MDGA2: variants seen among roughly 807,000 people sequenced by gnomAD.
MDGA2 encodes MAM domain containing glycosylphosphatidylinositol anchor 2.
Under a neutral mutation model 117.8 loss-of-function variants are expected in MDGA2, and 40 were observed. The observed-to-expected ratio is 0.34, with a 90% CI of 0.26 to 0.44. The LOEUF (loss-of-function observed/expected upper bound fraction) is 0.44. MDGA2 is among the 20% of genes least tolerant of loss of function. The pLI, the probability that MDGA2 is intolerant of heterozygous loss-of-function variation, is 1.00. For missense variants in MDGA2, 1,123 were observed against 1,250.6 expected, an observed-to-expected ratio of 0.90 and a Z score of 1.54; for synonymous variants, 452 against 439.0, an observed-to-expected ratio of 1.03 and a Z score of -0.37.
intron 8 of MDGA2, among the ~76,000 whole-genome samples, chr14:46,976,164 G>A (rs1055737035): frequency 6.6e-6 from 1 of 152,108 alleles, no homozygotes; most frequent in Non-Finnish European, 1.5e-5. Context: ...CATTAGGAAT[G>A]TATTAATTCC....
intron 1 of MDGA2, among the ~76,000 whole-genome samples, chr14:47,313,032 A>G (rs1049286841): frequency 1.3e-5 from 2 of 151,636 alleles, no homozygotes; most frequent in Non-Finnish European, 2.9e-5. Context: ...AAAGTAACTA[A>G]GCATTATTTG....
intron 1 of MDGA2, among the ~76,000 whole-genome samples, chr14:47,347,821 C>A (rs79734209): frequency 1.3e-5 from 2 of 151,884 alleles, no homozygotes; most frequent in Non-Finnish European, 2.9e-5. Context: ...ACAAATTCCA[C>A]AAAAATGACT....
intron 7 of MDGA2, among the ~76,000 whole-genome samples, chr14:47,045,680 G>C (rs1013642918): frequency 2.0e-4 from 31 of 152,166 alleles, no homozygotes; most frequent in East Asian, 5.8e-4. Context: ...AACAAGAAAG[G>C]GGGGGCAGGC....
chr14:47,409,231 G>A (rs1310283018), intron 1 of MDGA2, among the ~76,000 whole-genome samples: 1 of 152,178 alleles, frequency 6.6e-6, no homozygotes, highest in Non-Finnish European at 1.5e-5. Flanking sequence ...ATGGGAAGAA[G>A]CCAAGAGATT....
intron 5 of MDGA2, among the ~76,000 whole-genome samples, chr14:47,124,705 G>T (rs1260412797): frequency 6.6e-6 from 1 of 152,002 alleles, no homozygotes; most frequent in Admixed American, 6.6e-5. Flanking sequence ...CTAAGGATGA[G>T]ACTCTAATCA....
chr14:47,291,603 T>G (rs1281167065), intron 2 of MDGA2, among the ~76,000 whole-genome samples: 2 of 152,198 alleles, frequency 1.3e-5, no homozygotes, highest in Non-Finnish European at 2.9e-5. Context: ...TAGCCCACAG[T>G]TAGGCAAAAT....
chr14:47,554,271 T>C (rs977160147), intron 1 of MDGA2, among the ~76,000 whole-genome samples: 1 of 152,206 alleles, frequency 6.6e-6, no homozygotes, highest in East Asian at 1.9e-4. Context: ...GAAAAGCAAA[T>C]ATATGGATAT....
At chr14:47,320,497 T>C (rs1889948483) in intron 1 of MDGA2, among the ~76,000 whole-genome samples, 4 of 152,158 alleles carry the variant, frequency 2.6e-5, no homozygotes, top group Admixed American at 2.6e-4. Context: ...TAGCATCCGA[T>C]ACATCTACCT....
At chr14:47,472,302 T>C (rs1400024629) in intron 1 of MDGA2, among the ~76,000 whole-genome samples, 3 of 152,182 alleles carry the variant, frequency 2.0e-5, no homozygotes, top group Non-Finnish European at 2.9e-5. Context: ...GCAAACATCA[T>C]GGACTATACT....
At chr14:46,907,258 G>A (rs1397619090) in intron 10 of MDGA2, among the ~76,000 whole-genome samples, 3 of 152,056 alleles carry the variant, frequency 2.0e-5, no homozygotes, top group African/African-American at 2.4e-5. Flanking sequence ...GGTTACAGGC[G>A]TGAGCCACTG....
intron 14 of MDGA2, 65 bp downstream of exon 14, chr14:46,873,368 T>A (rs1212682612): frequency 7.0e-7 from 1 of 1,434,510 alleles, no homozygotes; most frequent in Non-Finnish European, 9.3e-7. Context: ...TGCTGTGTGT[T>A]TATGAACCTT....
At chr14:47,543,319 A>T (rs72670743) in intron 1 of MDGA2, among the ~76,000 whole-genome samples, 3,198 of 152,316 alleles carry the variant, frequency 0.021, 36 homozygotes, top group African/African-American at 0.028. Flanking sequence ...AAAAATATTT[A>T]AAAAATGCAG....
At chr14:47,238,372 G>GCTTGGTTTGCTTTATTTTTTAATATAAT (rs1566696360) in intron 2 of MDGA2, among the ~76,000 whole-genome samples, 2 of 146,874 alleles carry the variant, frequency 1.4e-5, no homozygotes, top group Non-Finnish European at 3.1e-5. Flanking sequence ...CTCACACTTA[G>GCTTGGTTTGCTTTATTTTTTAATATAAT]TAGGTGGTTA....
At chr14:47,421,986 A>G (rs550190653) in intron 1 of MDGA2, among the ~76,000 whole-genome samples, 2,847 of 151,998 alleles carry the variant, frequency 0.019, 31 homozygotes, top group Non-Finnish European at 0.028. Context: ...AAAGTATTGT[A>G]CAAAGTTAAC....
intron 14 of MDGA2, among the ~76,000 whole-genome samples, chr14:46,858,438 T>C (rs1012591066): frequency 6.8e-6 from 1 of 146,330 alleles, no homozygotes; most frequent in African/African-American, 2.5e-5. Flanking sequence ...CTTTTTTTTT[T>C]TTTTTTTGAG....
intron 1 of MDGA2, among the ~76,000 whole-genome samples, chr14:47,403,497 C>T (rs1342055444): frequency 6.6e-6 from 1 of 152,110 alleles, no homozygotes; most frequent in African/African-American, 2.4e-5. Context: ...GAACTGATCA[C>T]TAGGTGCTGT....
chr14:47,381,745 A>T (rs934448393), intron 1 of MDGA2, among the ~76,000 whole-genome samples: 2 of 152,228 alleles, frequency 1.3e-5, no homozygotes, highest in Non-Finnish European at 2.9e-5. Flanking sequence ...TTCCATGCTC[A>T]TGGGTACGAA....
intron 1 of MDGA2, among the ~76,000 whole-genome samples, chr14:47,306,613 T>C (rs7160833): frequency 0.22 from 33,060 of 152,070 alleles, 4,431 homozygotes; most frequent in East Asian, 0.45. Context: ...GAATTCAAGT[T>C]GCCACTGGCA....
intron 3 of MDGA2, among the ~76,000 whole-genome samples, chr14:47,165,628 AG>A (rs1242767609): frequency 6.6e-6 from 1 of 152,190 alleles, no homozygotes; most frequent in African/African-American, 2.4e-5. Context: ...TTCCATTTCT[AG>A]GTTCCACTCT....
Sources: gnomAD v4.1 joint callset for allele counts (sites outside exome capture counted in the v4.1 genomes callset) on GRCh38, gnomAD v4.1.1 for gene constraint, MANE v1.5 for transcripts, NCBI Gene and HGNC (gene_info 2026-07-23, HGNC 2026-07-21) for gene names.